The following MRPS23 variants were observed in gnomAD, a reference collection of about 807,000 sequenced individuals.
MRPS23 encodes mitochondrial ribosomal protein S23.
In MRPS23, 14 loss-of-function variants were observed where a neutral mutation model predicts 19.8. That is an observed-to-expected ratio of 0.71 (90% CI 0.47 to 1.11). The LOEUF is 1.11. MRPS23 is among the 50% of genes least tolerant of loss of function. The probability of loss-of-function intolerance (pLI) is 0.00; values close to 1 mark genes in which losing one functional copy is unlikely to be tolerated. For missense variants in MRPS23, 242 were observed against 236.7 expected (o/e 1.02, Z -0.15); for synonymous variants, 113 against 89.7 (o/e 1.26, Z -1.47).
At chr17:57,845,627 AG>A (rs2073768140) in intron 2 of MRPS23, among the ~76,000 whole-genome samples, 2 of 152,226 alleles carry the variant, frequency 1.3e-5, no homozygotes, top group Admixed American at 6.5e-5. Context: ...ATAAATGTAT[AG>A]GGATGCTAAA....
chr17:57,839,714 T>C lies in MRPS23; in HGVS notation c.*69A>G, dbSNP rs1296431387. 1 of 1,561,204 alleles carries C rather than the reference T, an allele frequency of 6.4e-7. No homozygotes were observed. The highest frequency in any genetic ancestry group is 1.4e-5 in the African/African-American group (1 of 73,288). The stretch of plus-strand genomic sequence containing the variant: ...AAGAAACATTTACACAGTTCAACTG[T>C]TTAAAAATAGCTCAACATTCAGCCA... On this transcript the variant is annotated 3_prime_UTR_variant, in exon 5 of 5. Coordinates refer to ENST00000313608, the MANE Select transcript of MRPS23 (RefSeq NM_016070.4).
chr17:57,843,391 G>C (rs1216695477), intron 2 of MRPS23, among the ~76,000 whole-genome samples: 1 of 152,142 alleles, frequency 6.6e-6, no homozygotes, highest in Non-Finnish European at 1.5e-5. Flanking sequence ...TTTTTAAAGA[G>C]ACTGGACATC....
intron 2 of MRPS23, chr17:57,848,719 A>T (rs1039671149): frequency 6.7e-6 from 1 of 149,040 alleles, no homozygotes; most frequent in African/African-American, 2.5e-5. Flanking sequence ...GGCTTCAAAG[A>T]GCCGGACTAC....
chr17:57,846,970 G>T (rs972862776), intron 2 of MRPS23, among the ~76,000 whole-genome samples: 8 of 150,624 alleles, frequency 5.3e-5, no homozygotes, highest in Non-Finnish European at 1.2e-4. Flanking sequence ...ATAAAAAAAA[G>T]AAAAAATAGA....
intron 2 of MRPS23, among the ~76,000 whole-genome samples, chr17:57,847,853 A>G (rs914735732): frequency 3.3e-5 from 5 of 151,558 alleles, no homozygotes; most frequent in African/African-American, 1.2e-4. Context: ...CCCACCACCA[A>G]GCCCGGCTAA....
rs11304363 is a variant in MRPS23 at position 57,835,952 on chromosome 17, C to CTTTTTTT, written c.*3824_*3830dup. The CTTTTTTT allele has an allele frequency of 1.5e-5, 2 of 135,256 alleles. 1 individual carries two copies. The highest frequency in any genetic ancestry group is 3.2e-5 in the Non-Finnish European group (2 of 62,630). 8.4% of individuals were successfully genotyped at this position (135,256 alleles called of 1,614,324 possible). Reference sequence around the variant, plus strand: ...ATAAGAATTTCTGCCCTCCTTTATACTTTTTTTTTTTTTTTTTTTGAGACA... The same window carrying CTTTTTTT: ...ATAAGAATTTCTGCCCTCCTTTATACTTTTTTTTTTTTTTTTTTTTTTTTTTGAGACA... On this transcript the variant is annotated 3_prime_UTR_variant, in exon 5 of 5. Transcript: ENST00000313608.
In MRPS23 at chr17:57,841,483, C is replaced by T. The variant is rs186268914; in HGVS notation, c.216-223G>A. 2.1e-3 allele frequency among the ~76,000 whole-genome samples: 322 copies of T among 152,230 alleles called. 2 individuals are homozygous for T. Among genetic ancestry groups the T allele is most frequent in the Non-Finnish European group, 3.6e-3 (248 of 68,010 alleles). ...GGGTGGCCAGTGAAAAGTAACACTC[C>T]CTCCCACTTCTGCACCCCAGCCCCC... is the stretch of plus-strand genomic sequence containing the variant. On this transcript the variant is annotated intron_variant, in intron 2 of 4. Transcript: ENST00000313608.
intron 2 of MRPS23, 53 bp downstream of exon 2, chr17:57,849,187 C>T (rs2073795566): frequency 6.3e-7 from 1 of 1,583,504 alleles, no homozygotes; most frequent in African/African-American, 1.4e-5. Flanking sequence ...CTACCGAAAC[C>T]TTCCCTTCTG....
rs1209375203 is a variant in MRPS23 at position 57,842,887 on chromosome 17, T to TACAC, written c.216-1628_216-1627insGTGT. Among the ~76,000 whole-genome samples, 94 of 97,554 alleles carry TACAC rather than the reference T, an allele frequency of 9.6e-4. 1 individual carries two copies. The highest frequency in any genetic ancestry group is 3.5e-3 in the African/African-American group (82 of 23,446). The allele number at this position is 97,554 out of a possible 152,430, so 64.0% of individuals were successfully genotyped here. ...TCTAAAAAAAAAAAAAAAATATATA[T>TACAC]ATATACACACACACACACACACACA... On this transcript the variant is annotated intron_variant, in intron 2 of 4. Transcript: ENST00000313608.
At chr17:57,843,560 CT>C (rs1212662370) in intron 2 of MRPS23, among the ~76,000 whole-genome samples, 8 of 152,098 alleles carry the variant, frequency 5.3e-5, no homozygotes, top group African/African-American at 1.9e-4. Flanking sequence ...GAGATGGAGG[CT>C]TTGGGAGGTA....
intron 2 of MRPS23, among the ~76,000 whole-genome samples, chr17:57,846,083 GTTTT>G (rs11405515): frequency 6.8e-6 from 1 of 146,030 alleles, no homozygotes; most frequent in East Asian, 2.0e-4. Flanking sequence ...TGACATCTTT[GTTTT>G]TTTTTTTTGT....
chr17:57,840,135 C>T (rs2073731667), intron 4 of MRPS23, among the ~76,000 whole-genome samples, 200 bp from the exon 5 acceptor site: 2 of 152,210 alleles, frequency 1.3e-5, no homozygotes, highest in Admixed American at 1.3e-4. Context: ...CGCCTGTAAT[C>T]CCAGCACTTT....
At position 57,844,097 on chromosome 17, in the gene MRPS23, T is replaced by A. The variant is rs1597952797; in HGVS notation, c.216-2837A>T. On this transcript the variant is annotated intron_variant, in intron 2 of 4. Coordinates refer to ENST00000313608, the MANE Select transcript of MRPS23 (RefSeq NM_016070.4). ...GATTTTAATACATCTTTTTTGTTTG[T>A]TTTATTTATTTTGTTGTAAGTTCCT... 2.0e-5 allele frequency among the ~76,000 whole-genome samples: 3 copies of A among 149,324 alleles called. No individual in the cohort carries two copies. The South Asian group carries it at 6.2e-4, about 31-fold the overall frequency.
rs1244848585 is a variant in MRPS23 at position 57,849,307 on chromosome 17, G to C, written c.148C>G (p.Arg50Gly). 2 of 1,614,176 alleles carry C rather than the reference G, an allele frequency of 1.2e-6. No homozygotes were observed. Among genetic ancestry groups the C allele is most frequent in the East Asian group, 2.2e-5 (1 of 44,880 alleles). ...GCTTTGGCTTTGCCATATCGCACTC[G>C]AGGCCTTTGGAAGACGGGCTCCCTC... ...PLREPVFQRP[R>G]VRYGKAKAPI... is the part of the protein sequence containing the mutation. Residue 50 changes from arginine to glycine, a missense_variant, in exon 2 of 5, where the codon CGA (arginine) becomes GGA (glycine). By Grantham distance (125) the Arg-to-Gly change is moderately radical (BLOSUM62 -2). Transcript: ENST00000313608.
intron 2 of MRPS23, among the ~76,000 whole-genome samples, chr17:57,844,120 C>T (rs1597952808): frequency 2.0e-5 from 3 of 147,306 alleles, no homozygotes; most frequent in Admixed American, 6.8e-5. Context: ...GTTGTAAGTT[C>T]CTTTTTCTTT....
At position 57,849,487 on chromosome 17, in the gene MRPS23, GGGACATTAAA is replaced by G. The variant is rs1342282154; in HGVS notation, c.45-87_45-78del. On this transcript the variant is annotated intron_variant, in intron 1 of 4. Coordinates refer to ENST00000313608, the MANE Select transcript of MRPS23 (RefSeq NM_016070.4). ...CCCCTGAATCAGTCTAGCACAGTTT[GGGACATTAAA>G]GGTATTATGCGGTCTGCAACACAGA... 16 of 1,540,866 alleles carry G rather than the reference GGGACATTAAA, an allele frequency of 1.0e-5. No homozygotes were observed. In the Admixed American group the frequency reaches 1.7e-4, roughly 17 times the overall value.
At chr17:57,843,001 G>A (rs917875726) in intron 2 of MRPS23, among the ~76,000 whole-genome samples, 17 of 150,228 alleles carry the variant, frequency 1.1e-4, no homozygotes, top group Non-Finnish European at 1.6e-4. Flanking sequence ...TAGACCAGGC[G>A]TGCTGGCTGA....
At chr17:57,846,278 G>A (rs373849094) in intron 2 of MRPS23, among the ~76,000 whole-genome samples, 55 of 84,394 alleles carry the variant, frequency 6.5e-4, no homozygotes, top group African/African-American at 2.3e-3. Context: ...CCGACCAGCC[G>A]CCCCGTCCGG....
At chr17:57,844,514 C>A (rs1597952975) in intron 2 of MRPS23, among the ~76,000 whole-genome samples, 1 of 151,048 alleles carries the variant, frequency 6.6e-6, no homozygotes, top group African/African-American at 2.4e-5. Context: ...AATCCCAGCA[C>A]TTTGGGAGGC....
Sources: gnomAD v4.1 joint callset for allele counts (sites outside exome capture counted in the v4.1 genomes callset) on GRCh38, gnomAD v4.1.1 for gene constraint, MANE v1.5 for transcripts, NCBI Gene and HGNC (gene_info 2026-07-23, HGNC 2026-07-21) for gene names.